Variants in KRT82 observed in about 807,000 individuals in gnomAD.
KRT82 encodes the protein keratin, type II cuticular Hb2.
KRT82 carries 44 observed loss-of-function variants against 48.0 expected under a neutral mutation model. The ratio of observed to expected loss-of-function variants is 0.92; its 90% confidence interval spans 0.72 to 1.18. The LOEUF is 1.18. Ranked by LOEUF, KRT82 falls within the 50% of genes most tolerant of loss-of-function variation. The pLI, the probability that KRT82 is intolerant of heterozygous loss-of-function variation, is 0.00. For synonymous variants in KRT82, 297 were observed against 278.3 expected (o/e 1.07, Z -0.67); for missense variants, 701 against 671.4 (o/e 1.04, Z -0.49).
intron 3 of KRT82, 60 bp downstream of exon 3, chr12:52,401,229 G>A (rs1414144543): frequency 4.2e-6 from 6 of 1,444,788 alleles, no homozygotes; most frequent in African/African-American, 2.8e-5. Context: ...TTCAGGGCTA[G>A]GTGGCCTGGG....
intron 1 of KRT82, among the ~76,000 whole-genome samples, chr12:52,404,922 G>A (rs1044841658): frequency 4.6e-5 from 7 of 152,166 alleles, no homozygotes; most frequent in Admixed American, 1.3e-4. Flanking sequence ...TGGCTTGCCC[G>A]GGGATTCCGG....
At chr12:52,404,877 C>T (rs1939832418) in intron 1 of KRT82, among the ~76,000 whole-genome samples, 1 of 152,240 alleles carries the variant, frequency 6.6e-6, no homozygotes, top group African/African-American at 2.4e-5. Flanking sequence ...TCCCCTTCCT[C>T]ACTGGGCAGC....
chr12:52,401,226 C>A (rs539837979), intron 3 of KRT82, 63 bp downstream of exon 3: 2 of 1,408,264 alleles, frequency 1.4e-6, no homozygotes, highest in Non-Finnish European at 2.0e-6. Context: ...GAGTTCAGGG[C>A]TAGGTGGCCT....
chr12:52,402,639 C>T (rs1939804292), intron 2 of KRT82, among the ~76,000 whole-genome samples: 2 of 152,230 alleles, frequency 1.3e-5, no homozygotes. Flanking sequence ...TGGGATTCCT[C>T]TCCCTTCTTC....
At chr12:52,400,237 G>A (rs1374186959) in intron 4 of KRT82, 88 bp from the exon 5 acceptor site, 5 of 1,337,732 alleles carry the variant, frequency 3.7e-6, no homozygotes, top group Non-Finnish European at 5.2e-6. Context: ...CCTTCCCAGA[G>A]CAGAGTGCAT....
Position 52,400,638 on chromosome 12 carries a change from G to T in KRT82, c.682-16C>A, listed in dbSNP as rs1409301999. ...TGTCCACGTCCTGCAGCAGAGCAGG[G>T]ACAGAATGTGACCTGGCTGGGCCAC... On this transcript the variant is annotated splice_polypyrimidine_tract_variant and intron_variant, in intron 3 of 8. Transcript: ENST00000257974. 3 of 1,586,998 alleles carry T rather than the reference G, an allele frequency of 1.9e-6. No individual in the cohort carries two copies. The Admixed American group carries it at 5.0e-5, about 26-fold the overall frequency.
chr12:52,404,715 ATGT>A (rs1481863989), intron 1 of KRT82, among the ~76,000 whole-genome samples: 2 of 152,230 alleles, frequency 1.3e-5, no homozygotes, highest in African/African-American at 4.8e-5. Context: ...AGGTGGTGTG[ATGT>A]TGTTGCTAAT....
At position 52,401,302 on chromosome 12, in the gene KRT82, A is replaced by G. The variant is rs1477410592; in HGVS notation, c.668T>C (p.Val223Ala). ...SLRPCVENEF[V>A]ALKKDVDTAF... ...CTTCCTCCTTACCTTCTTCAAGGCA[A>G]CAAACTCATTCTCAACACAGGGACG... Residue 223 changes from valine to alanine, a missense_variant, in exon 3 of 9, where the codon GTT (valine) becomes GCT (alanine). Val to Ala is a moderately conservative substitution (Grantham distance 64). Transcript: ENST00000257974. 1.9e-6 allele frequency: 3 copies of G among 1,613,926 alleles called. No individual in the cohort carries two copies. The African/African-American group carries it at 4.0e-5, about 22-fold the overall frequency.
chr12:52,405,431 C>T (rs1395341), intron 1 of KRT82, among the ~76,000 whole-genome samples: 118,866 of 152,126 alleles, frequency 0.78, 47,055 homozygotes, highest in African/African-American at 0.92. Context: ...TGATTGGAAA[C>T]TCTGAGGTCA....
In KRT82 at chr12:52,401,597, A is replaced by G. The variant is rs113905926; in HGVS notation, c.621-248T>C. On this transcript the variant is annotated intron_variant, in intron 2 of 8. Coordinates refer to ENST00000257974, the MANE Select transcript of KRT82 (RefSeq NM_033033.4). Reference sequence around the variant, plus strand: ...TCCCGCGATGAGTCCTCCCTGGGAGATCCTCCTTAAGGCTACCTTCATTCT... The same window carrying G: ...TCCCGCGATGAGTCCTCCCTGGGAGGTCCTCCTTAAGGCTACCTTCATTCT... Among the ~76,000 whole-genome samples the G allele has an allele frequency of 4.1e-3, 623 of 152,184 alleles. 6 individuals are homozygous for G. Among genetic ancestry groups the G allele is most frequent in the African/African-American group, 0.014 (596 of 41,518 alleles).
At chr12:52,402,305 T>G (rs1182672403) in intron 2 of KRT82, 2 of 152,300 alleles carry the variant, frequency 1.3e-5, no homozygotes. Flanking sequence ...TGTCTCACTT[T>G]TAAAAGCCAA....
intron 3 of KRT82, 128 bp from the exon 4 acceptor site, chr12:52,400,750 G>A (rs1026586074): frequency 1.1e-5 from 7 of 661,004 alleles, no homozygotes; most frequent in South Asian, 9.0e-5. Flanking sequence ...TGATGGAGCC[G>A]AGGTGGGGAA....
chr12:52,406,323 G>T lies in KRT82; in HGVS notation c.-46C>A. On this transcript the variant is annotated 5_prime_UTR_variant, in exon 1 of 9. Transcript: ENST00000257974. The stretch of plus-strand genomic sequence containing the variant: ...AAATGCGGCCCTGGAGGAAAGAACC[G>T]GGGCAGGATGATCAAGTCAGGCTCA... 1 of 1,493,106 alleles carries T rather than the reference G, an allele frequency of 6.7e-7. No individual in the cohort carries two copies. Among genetic ancestry groups the T allele is most frequent in the Non-Finnish European group, 8.9e-7 (1 of 1,119,206 alleles). The allele number at this position is 1,493,106 out of a possible 1,614,324, so 92.5% of individuals were successfully genotyped here. A position where few individuals can be genotyped will look rare whatever the true frequency, so the allele number is the denominator to read the frequency against.
At chr12:52,401,219 T>C in intron 3 of KRT82, 70 bp downstream of exon 3, 1 of 1,348,462 alleles carries the variant, frequency 7.4e-7, no homozygotes, top group Admixed American at 1.7e-5. Context: ...TTGGACTGAG[T>C]TCAGGGCTAG....
chr12:52,394,759 G>C lies in KRT82; in HGVS notation c.*216C>G. On this transcript the variant is annotated 3_prime_UTR_variant, in exon 9 of 9. Transcript: ENST00000257974. ...CGTCTGTCCCCACCATCTGGGCCTAGCTGAGGGTCTGCACACAGGTGAGTG... is the reference window on the plus strand; with the variant it reads ...CGTCTGTCCCCACCATCTGGGCCTACCTGAGGGTCTGCACACAGGTGAGTG... 1.7e-6 allele frequency: 1 copy of C among 595,416 alleles called. No individual in the cohort carries two copies. The highest frequency in any genetic ancestry group is 3.0e-6 in the Non-Finnish European group (1 of 332,918). 36.9% of individuals were successfully genotyped at this position (595,416 alleles called of 1,614,324 possible).
chr12:52,397,815 G>C (rs1417587868), intron 5 of KRT82, among the ~76,000 whole-genome samples: 2 of 152,192 alleles, frequency 1.3e-5, no homozygotes, highest in Non-Finnish European at 2.9e-5. Flanking sequence ...GGAAGGCTGA[G>C]GCGGGCAGAT....
In KRT82 at chr12:52,394,981, C is replaced by T; in HGVS notation, c.1536G>A (p.Lys512=). 1 of 1,613,654 alleles carries T rather than the reference C, an allele frequency of 6.2e-7. No homozygotes were observed. ...LGAGGSSPSH[K]H ...CTGGATGTCTCGGATCATGCTAATG[C>T]TTGTGGCTGGGGGAGCTGCCCCCAG... The change falls in exon 9 of 9, where the codon AAG becomes AAA. Residue 512 remains lysine, a synonymous_variant. Transcript: ENST00000257974.
At chr12:52,401,187 A>T in intron 3 of KRT82, 102 bp downstream of exon 3, 1 of 941,094 alleles carries the variant, frequency 1.1e-6, no homozygotes, top group Non-Finnish European at 1.7e-6. Context: ...CCTTTTTCAG[A>T]GTGGGTGGGC....
At position 52,395,067 on chromosome 12, in the gene KRT82, AG is replaced by A. The variant is rs1639513925; in HGVS notation, c.1449del (p.Cys484AlafsTer7). 6.2e-7 allele frequency: 1 copy of A among 1,613,832 alleles called. No homozygotes were observed. The highest frequency in any genetic ancestry group is 1.3e-5 in the African/African-American group (1 of 74,866). On this transcript the variant is annotated frameshift_variant, in exon 9 of 9. Transcript: ENST00000257974. LOFTEE classifies it low-confidence loss of function (END_TRUNC). Reference protein sequence around the residue: ...SIVGTGELYVPCEPQGLLSCG... With the variant: ...SIVGTGELYVXCEPQGLLSCG... ...CAGCTCAGTAGCCCCTGGGGCTCGC[AG>A]GGGACATAGAGTTCACCAGTGCCCA... is the stretch of plus-strand genomic sequence containing the variant.
Sources: allele counts gnomAD v4.1 joint callset (sites outside exome capture counted in the v4.1 genomes callset), GRCh38; gene constraint gnomAD v4.1.1; transcripts MANE v1.5; gene names NCBI Gene and HGNC (gene_info 2026-07-23, HGNC 2026-07-21).